NELL2: variants seen among roughly 807,000 people sequenced by gnomAD.
The protein encoded by NELL2 is protein kinase C-binding protein NELL2.
Under a neutral mutation model 109.6 loss-of-function variants are expected in NELL2, and 41 were observed. The ratio of observed to expected loss-of-function variants is 0.37; its 90% CI spans 0.29 to 0.49. The LOEUF (loss-of-function observed/expected upper bound fraction) is 0.49. Among genes scored for constraint, NELL2 ranks in the 20% least tolerant of loss-of-function variants. NELL2 has a pLI of 0.98. For missense variants in NELL2, 900 were observed against 1,008.3 expected (o/e 0.89, Z 1.45); for synonymous variants, 355 against 344.7 (o/e 1.03, Z -0.33).
At chr12:44,801,646 C>T (rs919631445) in intron 3 of NELL2, among the ~76,000 whole-genome samples, 4 of 152,164 alleles carry the variant, frequency 2.6e-5, no homozygotes, top group Non-Finnish European at 5.9e-5. Flanking sequence ...ATAATGGTAC[C>T]TACCTCCAAG....
At chr12:44,672,437 T>C (rs1218397879) in intron 12 of NELL2, among the ~76,000 whole-genome samples, 2 of 152,128 alleles carry the variant, frequency 1.3e-5, no homozygotes. Flanking sequence ...AACAGTTTCA[T>C]CCCGAAACCA....
intron 3 of NELL2, among the ~76,000 whole-genome samples, chr12:44,813,551 T>C (rs1182057442): frequency 6.6e-6 from 1 of 152,140 alleles, no homozygotes; most frequent in African/African-American, 2.4e-5. Context: ...TACTTATGTA[T>C]AAGAAATATT....
At chr12:44,510,381 C>T (rs1281852931) in intron 19 of NELL2, among the ~76,000 whole-genome samples, 1 of 152,296 alleles carries the variant, frequency 6.6e-6, no homozygotes. Flanking sequence ...AATGGTAGAG[C>T]TAGGATTAAA....
chr12:44,747,520 C>G (rs1940440081), intron 9 of NELL2, among the ~76,000 whole-genome samples: 1 of 151,912 alleles, frequency 6.6e-6, no homozygotes. Flanking sequence ...TGTTACTCAA[C>G]TATTTACATT....
At chr12:44,621,440 T>A (rs955744740) in intron 13 of NELL2, among the ~76,000 whole-genome samples, 5 of 152,134 alleles carry the variant, frequency 3.3e-5, no homozygotes, top group Non-Finnish European at 5.9e-5. Context: ...CTTAATCTCT[T>A]CAAATCACAG....
chr12:44,833,320 T>C (rs1943943295), intron 2 of NELL2, among the ~76,000 whole-genome samples: 1 of 152,180 alleles, frequency 6.6e-6, no homozygotes. Context: ...TGACATCTCA[T>C]ATCCCATCTT....
chr12:44,798,141 G>A (rs1177126700), intron 3 of NELL2, among the ~76,000 whole-genome samples: 2 of 149,020 alleles, frequency 1.3e-5, no homozygotes, highest in Non-Finnish European at 3.0e-5. Flanking sequence ...TGGAATGATG[G>A]AATAAAAGCA....
chr12:44,666,655 T>A lies in NELL2; in HGVS notation c.1319-1046A>T, dbSNP rs1276498305. On this transcript the variant is annotated intron_variant, in intron 12 of 19. Transcript: ENST00000429094. ...AATCTATATTTTAGAACTGTAGGGT[T>A]CTTATCATTCATCTGAGCTAACTAT... Among the ~76,000 whole-genome samples, 4 of 152,336 alleles carry A rather than the reference T, an allele frequency of 2.6e-5. No individual in the cohort carries two copies. In the East Asian group the frequency reaches 7.7e-4, roughly 29 times the overall value.
At chr12:44,582,932 T>C (rs957661092) in intron 15 of NELL2, among the ~76,000 whole-genome samples, 2 of 152,128 alleles carry the variant, frequency 1.3e-5, no homozygotes, top group Non-Finnish European at 2.9e-5. Flanking sequence ...AAAAGAAAGT[T>C]TGGCCCCTTC....
At chr12:44,809,639 G>A (rs1943110423) in intron 3 of NELL2, among the ~76,000 whole-genome samples, 1 of 152,052 alleles carries the variant, frequency 6.6e-6, no homozygotes. Context: ...AGGTTGGGAG[G>A]CCAAATGAAG....
intron 9 of NELL2, among the ~76,000 whole-genome samples, chr12:44,721,733 A>G (rs1938783108): frequency 6.6e-6 from 1 of 152,168 alleles, no homozygotes; most frequent in Admixed American, 6.5e-5. Flanking sequence ...TTTTCATTAT[A>G]AACCAAATAT....
chr12:44,565,871 T>C (rs1306591606), intron 15 of NELL2, among the ~76,000 whole-genome samples: 1 of 151,878 alleles, frequency 6.6e-6, no homozygotes, highest in Non-Finnish European at 1.5e-5. Context: ...GAGTGGCAAG[T>C]GGGAGTAGGA....
chr12:44,569,347 C>T (rs1416128016), intron 15 of NELL2, among the ~76,000 whole-genome samples: 3 of 152,062 alleles, frequency 2.0e-5, no homozygotes, highest in Non-Finnish European at 4.4e-5. Flanking sequence ...TTAACATATG[C>T]ATGCAGGTGT....
chr12:44,741,478 C>T (rs986052759), intron 9 of NELL2, among the ~76,000 whole-genome samples: 2 of 152,170 alleles, frequency 1.3e-5, no homozygotes, highest in Admixed American at 6.5e-5. Context: ...GTGCAGTGCA[C>T]CGGGCGTGAG....
chr12:44,848,126 G>C (rs184882646), intron 2 of NELL2, among the ~76,000 whole-genome samples: 1 of 151,986 alleles, frequency 6.6e-6, no homozygotes, highest in African/African-American at 2.4e-5. Flanking sequence ...ATAAACTTAG[G>C]GCATAGCCAC....
In NELL2 at chr12:44,610,978, G is replaced by A; in HGVS notation, c.1445-8C>T. 1 of 1,611,040 alleles carries A rather than the reference G, an allele frequency of 6.2e-7. No individual in the cohort carries two copies. The highest frequency in any genetic ancestry group is 8.5e-7 in the Non-Finnish European group (1 of 1,177,992). On this transcript the variant is annotated splice_polypyrimidine_tract_variant and splice_region_variant and intron_variant, in intron 13 of 19. Coordinates refer to ENST00000429094, the MANE Select transcript of NELL2 (RefSeq NM_001145108.2). The stretch of plus-strand genomic sequence containing the variant: ...TGATACACTCATCATGTTCTGAAAT[G>A]AGGAATACAATTTTGTTACTCAAAG...
intron 2 of NELL2, among the ~76,000 whole-genome samples, chr12:44,845,414 G>A (rs1271627280): frequency 6.6e-6 from 1 of 152,138 alleles, no homozygotes; most frequent in Non-Finnish European, 1.5e-5. Context: ...ACAGTGGCTA[G>A]ATCAATCCAC....
At chr12:44,859,807 G>A (rs1047493027) in intron 2 of NELL2, among the ~76,000 whole-genome samples, 10 of 152,228 alleles carry the variant, frequency 6.6e-5, no homozygotes, top group African/African-American at 1.2e-4. Flanking sequence ...ACTGAAAGTC[G>A]TTCACCTGCC....
chr12:44,748,438 T>G (rs1289923553), intron 9 of NELL2, among the ~76,000 whole-genome samples: 4 of 152,076 alleles, frequency 2.6e-5, no homozygotes, highest in Non-Finnish European at 5.9e-5. Flanking sequence ...TTTACAGAAA[T>G]AATAAAAATA....
Sources: gnomAD v4.1 joint callset for allele counts (sites outside exome capture counted in the v4.1 genomes callset) on GRCh38, gnomAD v4.1.1 for gene constraint, MANE v1.5 for transcripts, NCBI Gene and HGNC (gene_info 2026-07-23, HGNC 2026-07-21) for gene names.